The following SAMD8 variants were observed in gnomAD, a reference collection of about 807,000 sequenced individuals.
SAMD8 encodes sphingomyelin synthase-related protein 1.
In SAMD8, 20 loss-of-function variants were observed where a neutral mutation model predicts 42.0. That is an observed-to-expected ratio of 0.48 (90% confidence interval 0.34 to 0.69). SAMD8 has a LOEUF of 0.69. SAMD8 is among the 30% of genes least tolerant of loss of function. The pLI, the probability that SAMD8 is intolerant of heterozygous loss-of-function variation, is 0.01. For missense variants in SAMD8, 328 were observed against 511.6 expected (o/e 0.64, Z 3.46); for synonymous variants, 162 against 173.0 (o/e 0.94, Z 0.50).
chr10:75,101,771 A>ACCCCC, intron 1 of SAMD8: 3 of 408,868 alleles, frequency 7.3e-6, no homozygotes, highest in South Asian at 1.8e-5. Flanking sequence ...CCCAAACCCC[A>ACCCCC]CCCCTCCCCA....
intron 1 of SAMD8, among the ~76,000 whole-genome samples, chr10:75,120,845 A>G (rs578108043): frequency 1.2e-4 from 16 of 138,958 alleles, no homozygotes; most frequent in South Asian, 2.3e-4. Context: ...CAGTGGTGCA[A>G]TCTCAGCTCA....
chr10:75,136,374 A>G (rs1417206093), intron 1 of SAMD8, among the ~76,000 whole-genome samples: 1 of 152,228 alleles, frequency 6.6e-6, no homozygotes, highest in Non-Finnish European at 1.5e-5. Context: ...TAATGAGAAG[A>G]GAGCTGAAAA....
At chr10:75,108,160 C>A, upstream of SAMD8, 1 of 1,612,606 alleles carries the variant, frequency 6.2e-7, no homozygotes, top group Non-Finnish European at 8.5e-7. Context: ...GCGTTCAGCA[C>A]GTGGGTGATG....
intron 1 of SAMD8, among the ~76,000 whole-genome samples, chr10:75,136,736 A>T (rs1340490643): frequency 6.6e-6 from 1 of 152,214 alleles, no homozygotes; most frequent in African/African-American, 2.4e-5. Flanking sequence ...TCAATACCAA[A>T]AAAACCCAGT....
At chr10:75,155,616 A>G (rs1589965083) in intron 2 of SAMD8, among the ~76,000 whole-genome samples, 1 of 152,318 alleles carries the variant, frequency 6.6e-6, no homozygotes, top group East Asian at 1.9e-4. Flanking sequence ...AATGGGTTAT[A>G]ATAGGTTCAG....
chr10:75,117,328 G>A (rs905754901), intron 1 of SAMD8, among the ~76,000 whole-genome samples: 1 of 151,808 alleles, frequency 6.6e-6, no homozygotes, highest in African/African-American at 2.4e-5. Flanking sequence ...AGGCTGAGGT[G>A]GGAGGATCAC....
chr10:75,127,082 G>A (rs557907018), intron 1 of SAMD8, among the ~76,000 whole-genome samples: 3 of 151,932 alleles, frequency 2.0e-5, no homozygotes, highest in East Asian at 3.9e-4. Context: ...CCAACTACTC[G>A]GGAGGCTGAG....
In SAMD8 at chr10:75,130,329, C is replaced by T. The variant is rs370232596; in HGVS notation, c.-16+18607C>T. 3.4e-3 allele frequency among the ~76,000 whole-genome samples: 521 copies of T among 152,044 alleles called. 5 individuals carry two copies. Among genetic ancestry groups the T allele is most frequent in the African/African-American group, 0.012 (503 of 41,458 alleles). Reference sequence around the variant, plus strand: ...CCAGCCTGACCAACATGGAGAAACCCCGTCTCTACTAAAAATACAAAAAAA... The same window carrying T: ...CCAGCCTGACCAACATGGAGAAACCTCGTCTCTACTAAAAATACAAAAAAA... On this transcript the variant is annotated intron_variant, in intron 1 of 5. Transcript: ENST00000542569.
At chr10:75,104,110 T>C (rs1589908495) in intron 1 of SAMD8, 1 of 1,332,560 alleles carries the variant, frequency 7.5e-7, no homozygotes, top group Non-Finnish European at 9.9e-7. Context: ...GGAAGAGAGA[T>C]GAGCTCTGTG....
chr10:75,155,457 CAA>C (rs369963500), intron 2 of SAMD8, among the ~76,000 whole-genome samples: 27 of 105,504 alleles, frequency 2.6e-4, no homozygotes, highest in Admixed American at 2.0e-4. Flanking sequence ...AGAAGCCAAG[CAA>C]AAAAAAAAAA....
At chr10:75,115,766 CCGT>C (rs1407826743) in intron 1 of SAMD8, among the ~76,000 whole-genome samples, 2 of 151,912 alleles carry the variant, frequency 1.3e-5, no homozygotes, top group African/African-American at 4.8e-5. Context: ...CGGTGAAACC[CCGT>C]CTCTACTAAA....
intron 1 of SAMD8, among the ~76,000 whole-genome samples, chr10:75,145,282 G>A (rs547902490): frequency 6.6e-6 from 1 of 152,266 alleles, no homozygotes; most frequent in African/African-American, 2.4e-5. Flanking sequence ...TTGGACAAAT[G>A]TAATACACAA....
intron 1 of SAMD8, among the ~76,000 whole-genome samples, chr10:75,138,099 C>T (rs2134456090): frequency 6.6e-6 from 1 of 152,196 alleles, no homozygotes; most frequent in South Asian, 2.1e-4. Flanking sequence ...TTCCATATCT[C>T]ATGAGCATCT....
intron 1 of SAMD8, among the ~76,000 whole-genome samples, chr10:75,122,612 CAA>C (rs59709760): frequency 1.3e-3 from 148 of 115,866 alleles, no homozygotes; most frequent in South Asian, 7.1e-3. Flanking sequence ...GACTCTGTCT[CAA>C]AAAAAAAAAA....
In SAMD8 at chr10:75,164,751, A is replaced by C. The variant is rs41280432; in HGVS notation, c.674+11A>C. On this transcript the variant is annotated intron_variant, in intron 3 of 5. Transcript: ENST00000542569. ...TCTTCACAAGCACAGGTACCTCATT[A>C]CTCCATTAAATGACTGAAAATGTTT... The C allele has an allele frequency of 0.027, 42,444 of 1,576,748 alleles. 677 individuals carry two copies. Among genetic ancestry groups the C allele is most frequent in the Non-Finnish European group, 0.033 (38,049 of 1,146,238 alleles).
chr10:75,172,483 C>T lies in SAMD8; in HGVS notation c.793-3583C>T, dbSNP rs563133678. Reference sequence around the variant, plus strand: ...CTGAGTAGCTGGGACCACAGGCACACGCCACCACAGCCAACTGATTTTTTT... The same window carrying T: ...CTGAGTAGCTGGGACCACAGGCACATGCCACCACAGCCAACTGATTTTTTT... On this transcript the variant is annotated intron_variant, in intron 4 of 5. Coordinates refer to ENST00000542569, the MANE Select transcript of SAMD8 (RefSeq NM_001174156.2). 5.9e-5 allele frequency among the ~76,000 whole-genome samples: 9 copies of T among 151,794 alleles called. No homozygotes were observed. In the East Asian group the frequency reaches 1.7e-3, roughly 29 times the overall value.
chr10:75,173,847 G>T (rs942701096), intron 4 of SAMD8, among the ~76,000 whole-genome samples: 1 of 152,126 alleles, frequency 6.6e-6, no homozygotes, highest in Non-Finnish European at 1.5e-5. Context: ...ATAGGGCTTT[G>T]GAATTGGGTT....
At chr10:75,114,526 T>G (rs1237305011) in intron 1 of SAMD8, among the ~76,000 whole-genome samples, 1 of 152,226 alleles carries the variant, frequency 6.6e-6, no homozygotes, top group Non-Finnish European at 1.5e-5. Context: ...CCTCAATACT[T>G]CTTCAAAACT....
intron 4 of SAMD8, among the ~76,000 whole-genome samples, chr10:75,174,064 A>T (rs937281830): frequency 2.0e-4 from 31 of 152,162 alleles, no homozygotes; most frequent in African/African-American, 7.5e-4. Flanking sequence ...TTATTATTAA[A>T]TTGTATTATT....
Sources: gnomAD v4.1 joint callset for allele counts (sites outside exome capture counted in the v4.1 genomes callset) on GRCh38, gnomAD v4.1.1 for gene constraint, MANE v1.5 for transcripts, NCBI Gene and HGNC (gene_info 2026-07-23, HGNC 2026-07-21) for gene names.